The following CPLANE1 variants were observed in gnomAD, a reference collection of about 807,000 sequenced individuals.
The protein encoded by CPLANE1 is ciliogenesis and planar polarity effector 1.
Under a neutral mutation model 362.5 loss-of-function variants are expected in CPLANE1, and 263 were observed. The ratio of observed to expected loss-of-function variants is 0.73; its 90% CI spans 0.66 to 0.80. CPLANE1 has a LOEUF of 0.80. Among genes scored for constraint, CPLANE1 ranks in the 30% least tolerant of loss-of-function variants. CPLANE1 has a pLI of 0.00. For missense variants in CPLANE1, 3,461 were observed against 3,793.4 expected (o/e 0.91, Z 2.30); for synonymous variants, 1,212 against 1,302.6 (o/e 0.93, Z 1.50).
the CPLANE1 span, among the ~76,000 whole-genome samples, chr5:37,090,338 G>A: frequency 1.4e-4 from 21 of 152,236 alleles, no homozygotes; most frequent in East Asian, 1.2e-3. Context: ...GCCACATACC[G>A]GGACTAAAAC....
chr5:37,123,718 G>A (rs1019045105), intron 47 of CPLANE1, among the ~76,000 whole-genome samples: 3 of 152,034 alleles, frequency 2.0e-5, no homozygotes, highest in Non-Finnish European at 2.9e-5. Context: ...TAGAGACAAG[G>A]TCTCACTATG....
chr5:37,142,501 C>A, intron 43 of CPLANE1, 21 bp from the exon 44 acceptor site: 1 of 1,418,836 alleles, frequency 7.0e-7, no homozygotes, highest in East Asian at 2.5e-5. Flanking sequence ...GTATATATTA[C>A]AATTAAAATA....
chr5:37,080,899 C>T, the CPLANE1 span, among the ~76,000 whole-genome samples: 1 of 152,196 alleles, frequency 6.6e-6, no homozygotes, highest in Non-Finnish European at 1.5e-5. Context: ...AAACCTGGCA[C>T]GCACTTACCA....
At chr5:37,078,344 G>A in the CPLANE1 span, among the ~76,000 whole-genome samples, 4 of 152,156 alleles carry the variant, frequency 2.6e-5, no homozygotes, top group Non-Finnish European at 5.9e-5. Context: ...ACGGCCTCCA[G>A]CTCCATGCAT....
intron 9 of CPLANE1, among the ~76,000 whole-genome samples, chr5:37,228,163 C>T (rs1011102246): frequency 6.6e-6 from 1 of 151,916 alleles, no homozygotes; most frequent in Non-Finnish European, 1.5e-5. Flanking sequence ...TTTAAATATG[C>T]TTACACAAAT....
chr5:37,225,816 G>A (rs1439423785), intron 12 of CPLANE1, among the ~76,000 whole-genome samples: 4 of 130,074 alleles, frequency 3.1e-5, no homozygotes, highest in East Asian at 2.4e-4. Flanking sequence ...TTGCATCATC[G>A]CACTCCAGCC....
At chr5:37,156,906 C>G (rs1030633063) in intron 41 of CPLANE1, among the ~76,000 whole-genome samples, 3 of 152,104 alleles carry the variant, frequency 2.0e-5, no homozygotes, top group Non-Finnish European at 2.9e-5. Context: ...ACCTATGTAA[C>G]AAACTTGTAC....
intron 51 of CPLANE1, among the ~76,000 whole-genome samples, chr5:37,111,405 C>T (rs1290578193): frequency 6.6e-6 from 1 of 152,142 alleles, no homozygotes; most frequent in South Asian, 2.1e-4. Context: ...ATTGTACAGG[C>T]GTGAGCCACC....
the CPLANE1 span, among the ~76,000 whole-genome samples, chr5:37,081,933 G>C: frequency 6.6e-6 from 1 of 152,012 alleles, no homozygotes; most frequent in African/African-American, 2.4e-5. Flanking sequence ...CTGAGGTCTG[G>C]AGTTTGCGAC....
At chr5:37,125,485 T>A in intron 46 of CPLANE1, 76 bp from the exon 47 acceptor site, 1 of 1,388,614 alleles carries the variant, frequency 7.2e-7, no homozygotes, top group Non-Finnish European at 1.0e-6. Context: ...GACTAAACAC[T>A]ATTTATCCGG....
Position 37,153,737 on chromosome 5 carries a change from T to C in CPLANE1, c.8373+3A>G, listed in dbSNP as rs780519767. ...CAAAAAACTAAAAATAAAGGTAGTC[T>C]ACCTTATCACAATGTAGATCTAGCA... On this transcript the variant is annotated splice_donor_region_variant and intron_variant, in intron 42 of 52. Transcript: ENST00000651892. 1 of 1,600,176 alleles carries C rather than the reference T, an allele frequency of 6.2e-7. No individual in the cohort carries two copies. The highest frequency in any genetic ancestry group is 1.3e-5 in the African/African-American group (1 of 74,796).
chr5:37,187,374 T>C, intron 23 of CPLANE1, 40 bp downstream of exon 23: 1 of 1,501,862 alleles, frequency 6.7e-7, no homozygotes, highest in Non-Finnish European at 9.0e-7. Flanking sequence ...TTAAAGTCTC[T>C]GATTCTGATG....
Position 37,243,937 on chromosome 5 carries a change from G to A in CPLANE1, c.570+438C>T, listed in dbSNP as rs553334269. 2.2e-3 allele frequency among the ~76,000 whole-genome samples: 328 copies of A among 150,260 alleles called. 1 individual carries two copies. Among genetic ancestry groups the A allele is most frequent in the Admixed American group, 3.6e-3 (54 of 15,024 alleles). On this transcript the variant is annotated intron_variant, in intron 5 of 52. Transcript: ENST00000651892. ...ACGATCTCGGCTCACTGCAACCTCC[G>A]CCTCCCAGGTTCAATCGATTCTCCT...
chr5:37,092,322 A>G, the CPLANE1 span, among the ~76,000 whole-genome samples: 1 of 152,236 alleles, frequency 6.6e-6, no homozygotes, highest in African/African-American at 2.4e-5. Context: ...CTTACTGTGT[A>G]TCTGCCCAAA....
rs555965857 is a variant in CPLANE1, at chr5:37,209,785, T to C, written c.2921-3360A>G. ...AAAGAAAACCAAAAAGGTTTTCTTA[T>C]GCATTTTTTAAAAGGATTGGCAGAA... On this transcript the variant is annotated intron_variant, in intron 16 of 52. Coordinates refer to ENST00000651892, the MANE Select transcript of CPLANE1 (RefSeq NM_001384732.1). This position sits in a 1 kb window ranked among gnomAD's most constrained non-coding sequence, Gnocchi z 4.6. 382 of 1,306,754 alleles carry C rather than the reference T, an allele frequency of 2.9e-4. 4 individuals carry two copies. Among genetic ancestry groups the C allele is most frequent in the South Asian group, 2.5e-3 (209 of 84,706 alleles). 80.9% of individuals were successfully genotyped at this position (1,306,754 alleles called of 1,614,324 possible). A position where few individuals can be genotyped will look rare whatever the true frequency, so the allele number is the denominator to read the frequency against.
At chr5:37,132,526 T>C (rs1347419557) in intron 46 of CPLANE1, among the ~76,000 whole-genome samples, 1 of 151,950 alleles carries the variant, frequency 6.6e-6, no homozygotes, top group Non-Finnish European at 1.5e-5. Flanking sequence ...TTTGTATTTT[T>C]CAGTAGTGAC....
Position 37,195,857 on chromosome 5 carries a change from C to G in CPLANE1, c.3811+1G>C. The G allele has an allele frequency of 6.2e-7, 1 of 1,604,604 alleles. No individual in the cohort carries two copies. The highest frequency in any genetic ancestry group is 8.5e-7 in the Non-Finnish European group (1 of 1,177,292). On this transcript the variant is annotated splice_donor_variant, in intron 21 of 52. Coordinates refer to ENST00000651892, the MANE Select transcript of CPLANE1 (RefSeq NM_001384732.1). LOFTEE classifies it high-confidence loss of function. ...AAGCAAGCAGTTCATTTTGGACAAA[C>G]CTATTGCTCTAATGGAAACTTCATC...
chr5:37,107,857 G>A, intron 52 of CPLANE1, 79 bp from the exon 53 acceptor site: 3 of 1,450,352 alleles, frequency 2.1e-6, no homozygotes, highest in Non-Finnish European at 2.7e-6. Flanking sequence ...CCTGGAACGT[G>A]AACTAAGCTT....
chr5:37,088,467 T>C, the CPLANE1 span, among the ~76,000 whole-genome samples: 1 of 152,140 alleles, frequency 6.6e-6, no homozygotes, highest in South Asian at 2.1e-4. Flanking sequence ...GAAGAGGGAA[T>C]GCTCCCATAG....
Sources: allele counts gnomAD v4.1 joint callset (sites outside exome capture counted in the v4.1 genomes callset), GRCh38; gene constraint gnomAD v4.1.1; non-coding constraint Gnocchi (gnomAD v3.1); transcripts MANE v1.5; gene names NCBI Gene and HGNC (gene_info 2026-07-23, HGNC 2026-07-21).